AGAP4: variants seen among roughly 807,000 people sequenced by gnomAD.
The protein encoded by AGAP4 is ArfGAP with GTPase domain, ankyrin repeat and PH domain 4.
In AGAP4, 13 loss-of-function variants were observed where a neutral mutation model predicts 60.7. The observed-to-expected ratio is 0.21, with a 90% CI of 0.14 to 0.34. The LOEUF (loss-of-function observed/expected upper bound fraction) is 0.34, where lower values mean the gene tolerates loss of function less well. AGAP4 is among the 10% of genes least tolerant of loss of function. The pLI is 1.00. For synonymous variants in AGAP4, 70 were observed against 339.0 expected, an observed-to-expected ratio of 0.21 and a Z score of 8.72; for missense variants, 169 against 884.0, an observed-to-expected ratio of 0.19 and a Z score of 10.26.
upstream of AGAP4, among the ~76,000 whole-genome samples, chr10:45,852,073 C>T (rs2059089851): frequency 6.7e-6 from 1 of 149,802 alleles, no homozygotes; most frequent in African/African-American, 2.5e-5. Context: ...TTACCATGTC[C>T]AGCTAATTTT....
At chr10:45,851,915 CT>C (rs574749340), upstream of AGAP4, among the ~76,000 whole-genome samples, 11 of 144,520 alleles carry the variant, frequency 7.6e-5, no homozygotes, top group East Asian at 4.1e-4. Flanking sequence ...TTTTAACAGA[CT>C]TTTTTTTTCT....
upstream of AGAP4, among the ~76,000 whole-genome samples, chr10:45,850,177 C>T (rs1281379432): frequency 1.3e-5 from 2 of 151,400 alleles, no homozygotes; most frequent in African/African-American, 4.9e-5. Context: ...GATCCACCTG[C>T]CTTGGCCTCC....
At chr10:45,837,697 T>A (rs1319844807) in intron 4 of AGAP4, among the ~76,000 whole-genome samples, 7 of 151,574 alleles carry the variant, frequency 4.6e-5, no homozygotes, top group Non-Finnish European at 8.8e-5. Context: ...TCCTCAACTC[T>A]CAGCTTACAC....
chr10:45,844,319 G>A lies in AGAP4; in HGVS notation c.361+7C>T, dbSNP rs1161459603. 183 of 1,593,680 alleles carry A rather than the reference G, an allele frequency of 1.1e-4. 12 individuals carry two copies. The African/African-American group carries it at 1.4e-3, about 12-fold the overall frequency. On this transcript the variant is annotated splice_region_variant and intron_variant, in intron 3 of 7. Coordinates refer to ENST00000616763, the MANE Select transcript of AGAP4 (RefSeq NM_001276343.3). ...TTCTCTTGGTGGAAAAAACAATGTC[G>A]TCTCACCATCTGTTTGAGAGTTCCT...
Position 45,834,773 on chromosome 10 carries a change from A to T in AGAP4, c.397-657T>A, listed in dbSNP as rs1289848545. On this transcript the variant is annotated intron_variant, in intron 4 of 7. Transcript: ENST00000616763. The stretch of plus-strand genomic sequence containing the variant: ...AGCTGAGAATTTCTATTAATTAATT[A>T]ATTTATTTATTTATTTTTGAGACGG... 2.3e-3 allele frequency among the ~76,000 whole-genome samples: 314 copies of T among 135,780 alleles called. 6 individuals are homozygous for T. Among genetic ancestry groups the T allele is most frequent in the South Asian group, 0.01 (44 of 4,376 alleles). The allele number at this position is 135,780 out of a possible 152,430, so 89.1% of individuals were successfully genotyped here.
rs1214808172 is a variant in AGAP4 at position 45,827,790 on chromosome 10, A to C, written c.585+239T>G. ...TACAGAAAGAGAGTCCATAAAAAAA[A>C]AAAAAAAAAAAAAAAAGATACATTT... On this transcript the variant is annotated intron_variant, in intron 7 of 7. Coordinates refer to ENST00000616763, the MANE Select transcript of AGAP4 (RefSeq NM_001276343.3). Among the ~76,000 whole-genome samples, 132 of 74,112 alleles carry C rather than the reference A, an allele frequency of 1.8e-3. 2 individuals are homozygous for C. The highest frequency in any genetic ancestry group is 5.9e-3 in the African/African-American group (129 of 21,956). 48.6% of individuals were successfully genotyped at this position (74,112 alleles called of 152,430 possible).
chr10:45,844,814 T>G (rs1442887862), intron 2 of AGAP4, among the ~76,000 whole-genome samples: 2 of 145,764 alleles, frequency 1.4e-5, no homozygotes, highest in African/African-American at 5.1e-5. Flanking sequence ...TTTTTAAAAT[T>G]TTTAAAAAGT....
upstream of AGAP4, among the ~76,000 whole-genome samples, chr10:45,851,123 T>C (rs1471414098): frequency 6.6e-6 from 1 of 151,868 alleles, no homozygotes; most frequent in Admixed American, 6.6e-5. Context: ...AATTCTGTTG[T>C]TCTCAGAGAA....
intron 5 of AGAP4, among the ~76,000 whole-genome samples, chr10:45,832,510 C>G (rs1554897290): frequency 1.4e-5 from 2 of 144,104 alleles, no homozygotes; most frequent in African/African-American, 5.2e-5. Context: ...CTTTGGGCAT[C>G]AAGGTTCTTG....
At chr10:45,830,464 G>GC (rs2058713930) in intron 6 of AGAP4, among the ~76,000 whole-genome samples, 1 of 106,560 alleles carries the variant, frequency 9.4e-6, no homozygotes, top group East Asian at 2.7e-4. Context: ...GAACCACTGC[G>GC]CCCCACCAGC....
chr10:45,851,782 T>C (rs1321265736), upstream of AGAP4, among the ~76,000 whole-genome samples: 1 of 151,924 alleles, frequency 6.6e-6, no homozygotes, highest in Non-Finnish European at 1.5e-5. Flanking sequence ...GTGCCTGCAA[T>C]CTGGATCAGG....
Position 45,826,471 on chromosome 10 carries a change from C to A in AGAP4, c.1505G>T (p.Cys502Phe). The A allele has an allele frequency of 6.2e-7, 1 of 1,604,000 alleles. No homozygotes were observed. Among genetic ancestry groups the A allele is most frequent in the Non-Finnish European group, 8.5e-7 (1 of 1,175,314 alleles). ...GCCAAGACTGCGGTGGATTCCTGAG[C>A]ATTCAATACACATGAGGACTCCCAA... is the stretch of plus-strand genomic sequence containing the variant. ...LNLGVLMCIE[C>F]SGIHRSLGTR... Residue 502 changes from cysteine (C) to phenylalanine (F), a missense_variant, in exon 8 of 8, where the codon TGC (cysteine) becomes TTC (phenylalanine). Cys to Phe is a radical substitution (Grantham distance 205, BLOSUM62 -2). Transcript: ENST00000616763.
chr10:45,853,391 C>T (rs1291418739), intron 1 of AGAP4, among the ~76,000 whole-genome samples: 5 of 151,208 alleles, frequency 3.3e-5, no homozygotes, highest in African/African-American at 1.2e-4. Context: ...GAGAGACACG[C>T]ATTAGTGACT....
At chr10:45,832,671 TAGAGGG>T (rs2058753523) in intron 5 of AGAP4, among the ~76,000 whole-genome samples, 1 of 146,784 alleles carries the variant, frequency 6.8e-6, no homozygotes, top group Non-Finnish European at 1.5e-5. Flanking sequence ...TGCCTAGAGA[TAGAGGG>T]AAAGTGGAGA....
intron 4 of AGAP4, among the ~76,000 whole-genome samples, chr10:45,839,924 T>A (rs2058889873): frequency 1.4e-5 from 2 of 146,294 alleles, no homozygotes; most frequent in Admixed American, 1.4e-4. Context: ...AGAACTAGAA[T>A]AAAAAGACAA....
chr10:45,841,851 T>G, intron 3 of AGAP4, among the ~76,000 whole-genome samples, 164 bp from the exon 4 acceptor site: 1 of 151,898 alleles, frequency 6.6e-6, no homozygotes, highest in Admixed American at 6.6e-5. Context: ...ATGATTAATT[T>G]CATAAGTCAA....
At chr10:45,849,896 C>A (rs1280167664), upstream of AGAP4, among the ~76,000 whole-genome samples, 1 of 151,282 alleles carries the variant, frequency 6.6e-6, no homozygotes, top group Non-Finnish European at 1.5e-5. Flanking sequence ...GCATGAGCCA[C>A]CGTGCCCAGC....
intron 1 of AGAP4, among the ~76,000 whole-genome samples, chr10:45,852,717 AG>A (rs1182909065): frequency 2.0e-5 from 3 of 152,010 alleles, no homozygotes; most frequent in African/African-American, 7.3e-5. Flanking sequence ...CCACAGTGGA[AG>A]GAAAAATAAT....
chr10:45,849,799 C>T (rs2059060542), upstream of AGAP4, among the ~76,000 whole-genome samples: 1 of 151,252 alleles, frequency 6.6e-6, no homozygotes, highest in Non-Finnish European at 1.5e-5. Context: ...CGCCACCATG[C>T]CCAGCTAATT....
Sources: gnomAD v4.1 joint callset for allele counts (sites outside exome capture counted in the v4.1 genomes callset) on GRCh38, gnomAD v4.1.1 for gene constraint, MANE v1.5 for transcripts, NCBI Gene and HGNC (gene_info 2026-07-23, HGNC 2026-07-21) for gene names.